The following SCFD2 variants were observed in gnomAD, a reference collection of about 807,000 sequenced individuals.
The protein encoded by SCFD2 is sec1 family domain containing 2.
In SCFD2, 54 loss-of-function variants were observed where a neutral mutation model predicts 58.9. The ratio of observed to expected loss-of-function variants is 0.92; its 90% CI spans 0.74 to 1.15. The LOEUF is 1.15. Ranked by LOEUF, SCFD2 falls within the 50% of genes most tolerant of loss-of-function variation. SCFD2 has a pLI of 0.00. For missense variants in SCFD2, 805 were observed against 836.6 expected (o/e 0.96, Z 0.47); for synonymous variants, 321 against 335.9 (o/e 0.96, Z 0.49).
chr4:52,925,428 G>T (rs1018647504), intron 5 of SCFD2, among the ~76,000 whole-genome samples: 8 of 151,260 alleles, frequency 5.3e-5, no homozygotes, highest in African/African-American at 1.9e-4. Context: ...TAAAATGGAG[G>T]GAGTTGCAAG....
intron 5 of SCFD2, among the ~76,000 whole-genome samples, chr4:53,056,756 C>A (rs551793792): frequency 6.6e-6 from 1 of 152,148 alleles, no homozygotes; most frequent in East Asian, 1.9e-4. Context: ...GTTTTAGATC[C>A]TTGTATAAAT....
intron 5 of SCFD2, among the ~76,000 whole-genome samples, chr4:53,066,993 T>A (rs1156452760): frequency 6.6e-6 from 1 of 152,090 alleles, no homozygotes; most frequent in Non-Finnish European, 1.5e-5. Flanking sequence ...GAGCTGGGCA[T>A]GCACTTATGC....
At chr4:53,222,816 A>T (rs1729087462) in intron 4 of SCFD2, among the ~76,000 whole-genome samples, 1 of 152,242 alleles carries the variant, frequency 6.6e-6, no homozygotes, top group South Asian at 2.1e-4. Context: ...ATTGTGTCCT[A>T]TCTGGTTACT....
At chr4:53,134,966 C>T (rs1725894217) in intron 5 of SCFD2, among the ~76,000 whole-genome samples, 1 of 151,918 alleles carries the variant, frequency 6.6e-6, no homozygotes, top group Non-Finnish European at 1.5e-5. Context: ...TATGAGAAGC[C>T]TACTTCCACT....
At chr4:53,217,283 G>T (rs527687221) in intron 4 of SCFD2, among the ~76,000 whole-genome samples, 54 of 152,286 alleles carry the variant, frequency 3.5e-4, no homozygotes, top group Non-Finnish European at 5.7e-4. Context: ...GGGAGTCTAA[G>T]TCTCTTTGTA....
chr4:53,266,636 T>C (rs1284840954), intron 4 of SCFD2, among the ~76,000 whole-genome samples: 1 of 152,242 alleles, frequency 6.6e-6, no homozygotes, highest in Non-Finnish European at 1.5e-5. Context: ...GCAAAGCTAC[T>C]TTGTGAAAAC....
At position 53,365,432 on chromosome 4, in the gene SCFD2, A is replaced by T; in HGVS notation, c.510T>A (p.Thr170=). The T allele has an allele frequency of 6.2e-7, 1 of 1,614,182 alleles. No individual in the cohort carries two copies. The highest frequency in any genetic ancestry group is 1.1e-5 in the South Asian group (1 of 91,088). ...LAPVAPHFAL[T]PAFASLFPLL... ...GTGGGAAAAGGGATGCAAAAGCTGG[A>T]GTCAAGGCAAAGTGGGGAGCAACAG... is the stretch of plus-strand genomic sequence containing the variant. Residue 170 remains threonine (T), a synonymous_variant, in exon 1 of 9, where the codon ACT becomes ACA. Coordinates refer to ENST00000401642, the MANE Select transcript of SCFD2 (RefSeq NM_152540.4). The surrounding 1 kb of genome is among the most constrained non-coding windows in gnomAD (Gnocchi z 4.3).
intron 5 of SCFD2, among the ~76,000 whole-genome samples, chr4:53,129,284 C>T (rs1210895617): frequency 6.6e-6 from 1 of 152,184 alleles, no homozygotes; most frequent in Admixed American, 6.5e-5. Context: ...GAGAAAGGGG[C>T]TTCATTTTGT....
chr4:53,170,720 T>C (rs1727155102), intron 4 of SCFD2, among the ~76,000 whole-genome samples: 1 of 152,192 alleles, frequency 6.6e-6, no homozygotes, highest in Non-Finnish European at 1.5e-5. Context: ...CATCAATGTC[T>C]TATTCTTTTC....
At chr4:52,908,387 C>T (rs1719397430) in intron 6 of SCFD2, among the ~76,000 whole-genome samples, 1 of 152,166 alleles carries the variant, frequency 6.6e-6, no homozygotes, top group Non-Finnish European at 1.5e-5. Context: ...GTTTTCTTTT[C>T]TCGCTTGGTG....
chr4:53,119,676 C>T (rs1725425902), intron 5 of SCFD2, among the ~76,000 whole-genome samples: 2 of 152,064 alleles, frequency 1.3e-5, no homozygotes, highest in South Asian at 4.2e-4. Flanking sequence ...CATGTGTTAC[C>T]CCTGAAGTAT....
At chr4:52,874,173 G>T in intron 8 of SCFD2, 112 bp from the exon 9 acceptor site, 1 of 732,462 alleles carries the variant, frequency 1.4e-6, no homozygotes, top group Non-Finnish European at 2.4e-6. Flanking sequence ...GGCATGAAGT[G>T]AAGTTCTAGG....
intron 4 of SCFD2, among the ~76,000 whole-genome samples, chr4:53,205,675 C>T (rs755618085): frequency 4.0e-5 from 6 of 151,838 alleles, no homozygotes; most frequent in African/African-American, 4.8e-5. Flanking sequence ...CTGGCTAACA[C>T]GGTGAAACCC....
At position 53,152,702 on chromosome 4, in the gene SCFD2, G is replaced by A. The variant is rs537998370; in HGVS notation, c.1312-7120C>T. 1.3e-4 allele frequency among the ~76,000 whole-genome samples: 20 copies of A among 152,254 alleles called. 1 individual carries two copies. In the South Asian group the frequency reaches 3.9e-3, roughly 30 times the overall value. On this transcript the variant is annotated intron_variant, in intron 4 of 8. Transcript: ENST00000401642. ...TCCAGAATCAGCTCAAAAGTCCAAAGTCTCATCATAGACTCAAAGTAAGTT... is the reference window on the plus strand; with the variant it reads ...TCCAGAATCAGCTCAAAAGTCCAAAATCTCATCATAGACTCAAAGTAAGTT...
At chr4:52,963,440 T>C (rs1006139963) in intron 5 of SCFD2, among the ~76,000 whole-genome samples, 4 of 152,350 alleles carry the variant, frequency 2.6e-5, no homozygotes, top group South Asian at 4.1e-4. Flanking sequence ...CTCTTTCCCA[T>C]ATCTTGGAGT....
At chr4:52,973,988 C>G (rs192068487) in intron 5 of SCFD2, among the ~76,000 whole-genome samples, 79 of 152,284 alleles carry the variant, frequency 5.2e-4, no homozygotes, top group African/African-American at 1.7e-3. Flanking sequence ...GCTAAAAACT[C>G]TCAATAAATT....
At chr4:53,290,282 C>A (rs1731796964) in intron 3 of SCFD2, among the ~76,000 whole-genome samples, 2 of 151,948 alleles carry the variant, frequency 1.3e-5, no homozygotes, top group African/African-American at 2.4e-5. Context: ...TGATTCTAAC[C>A]AAAGTGGTGA....
intron 5 of SCFD2, among the ~76,000 whole-genome samples, chr4:53,048,151 G>A (rs1431929487): frequency 6.6e-6 from 1 of 152,186 alleles, no homozygotes; most frequent in Non-Finnish European, 1.5e-5. Flanking sequence ...AGGAGTTCAA[G>A]ACCAGCCTAG....
chr4:53,056,492 T>C (rs1383175244), intron 5 of SCFD2, among the ~76,000 whole-genome samples: 1 of 152,190 alleles, frequency 6.6e-6, no homozygotes, highest in Non-Finnish European at 1.5e-5. Context: ...GATAGGCTAA[T>C]TATGTTTTAT....
Sources: gnomAD v4.1 joint callset for allele counts (sites outside exome capture counted in the v4.1 genomes callset) on GRCh38, gnomAD v4.1.1 for gene constraint, Gnocchi (gnomAD v3.1) non-coding constraint, MANE v1.5 for transcripts, NCBI Gene and HGNC (gene_info 2026-07-23, HGNC 2026-07-21) for gene names.